The following PTPRA variants were observed in gnomAD, a reference collection of about 807,000 sequenced individuals.
PTPRA encodes receptor-type tyrosine-protein phosphatase alpha.
PTPRA carries 25 observed loss-of-function variants against 104.8 expected under a neutral mutation model. That is an observed-to-expected ratio of 0.24 (90% confidence interval 0.17 to 0.33). The LOEUF (loss-of-function observed/expected upper bound fraction) is 0.33. Ranked by LOEUF, PTPRA falls within the 10% of genes least tolerant of loss-of-function variation. The pLI, the probability that PTPRA is intolerant of heterozygous loss-of-function variation, is 1.00. For synonymous variants in PTPRA, 323 were observed against 368.9 expected, an observed-to-expected ratio of 0.88 and a Z score of 1.43; for missense variants, 765 against 1,015.3, an observed-to-expected ratio of 0.75 and a Z score of 3.35.
chr20:2,928,738 T>C (rs2147471359), intron 2 of PTPRA, among the ~76,000 whole-genome samples: 1 of 152,124 alleles, frequency 6.6e-6, no homozygotes, highest in African/African-American at 2.4e-5. Flanking sequence ...TCATATAATG[T>C]TCTTATCTAT....
At chr20:3,011,634 G>C (rs1222328689) in intron 11 of PTPRA, among the ~76,000 whole-genome samples, 1 of 152,232 alleles carries the variant, frequency 6.6e-6, no homozygotes, top group East Asian at 1.9e-4. Context: ...AGGTTATAAG[G>C]TATAAGATGG....
Position 3,028,164 on chromosome 20 carries a change from C to A in PTPRA, c.1920+323C>A, listed in dbSNP as rs538799394. Among the ~76,000 whole-genome samples the A allele has an allele frequency of 4.0e-5, 6 of 151,682 alleles. No individual in the cohort carries two copies. In the East Asian group the frequency reaches 1.2e-3, roughly 29 times the overall value. Reference sequence around the variant, plus strand: ...CTGAATACAGTCCCCCTAGCCTAGCCTTTGCACAGTGCCCCAGGCGGGGGG... The same window carrying A: ...CTGAATACAGTCCCCCTAGCCTAGCATTTGCACAGTGCCCCAGGCGGGGGG... On this transcript the variant is annotated intron_variant, in intron 20 of 23. Transcript: ENST00000399903.
At chr20:2,978,484 C>T (rs991382404) in intron 6 of PTPRA, among the ~76,000 whole-genome samples, 2 of 152,170 alleles carry the variant, frequency 1.3e-5, no homozygotes, top group Admixed American at 6.5e-5. Context: ...ATGGCTATTC[C>T]TTTACTGACT....
At chr20:2,899,497 A>G (rs997465400) in intron 1 of PTPRA, among the ~76,000 whole-genome samples, 3 of 151,992 alleles carry the variant, frequency 2.0e-5, no homozygotes, top group Non-Finnish European at 4.4e-5. Context: ...GACATCCCCT[A>G]TTGAGCAGAA....
rs145981348 is a variant in PTPRA, at chr20:3,016,755, T to C, written c.943+870T>C. ...ACTTTGTCTCAAGAAAAAGAGTCAT[T>C]AGGGACTACAAGATTTATAAAAACA... On this transcript the variant is annotated intron_variant, in intron 12 of 23. Transcript: ENST00000399903. 2.6e-4 allele frequency among the ~76,000 whole-genome samples: 39 copies of C among 152,308 alleles called. No homozygotes were observed. In the East Asian group the frequency reaches 6.9e-3, roughly 27 times the overall value.
At chr20:2,959,086 C>T (rs920209470) in intron 3 of PTPRA, among the ~76,000 whole-genome samples, 5 of 152,014 alleles carry the variant, frequency 3.3e-5, no homozygotes, top group African/African-American at 7.3e-5. Flanking sequence ...TTCTCGGAGA[C>T]GGATGAGGTT....
At chr20:2,928,230 G>C (rs1022229283) in intron 2 of PTPRA, among the ~76,000 whole-genome samples, 2 of 151,988 alleles carry the variant, frequency 1.3e-5, no homozygotes, top group Admixed American at 1.3e-4. Flanking sequence ...TCGCCTCCCA[G>C]GTTCATGCCA....
the PTPRA span, chr20:2,864,717 T>G: frequency 6.4e-7 from 1 of 1,552,986 alleles, no homozygotes. This position sits in a 1 kb window ranked among gnomAD's most constrained non-coding sequence, Gnocchi z 5.2. Flanking sequence ...TTGGTCCGGT[T>G]CCTTCAGGAA....
rs749339373 is a variant in PTPRA, at chr20:2,900,504, AAAT to A, written c.-128-22699_-128-22697del. On this transcript the variant is annotated intron_variant, in intron 1 of 23. Transcript: ENST00000399903. ...AAATTTCCATTGCTGTGGTTTAATT[AAAT>A]AATGCCAGTCCTCAAATAGCAGTTA... is the stretch of plus-strand genomic sequence containing the variant. 1.0e-3 allele frequency among the ~76,000 whole-genome samples: 152 copies of A among 152,326 alleles called. 1 individual carries two copies. In the East Asian group the frequency reaches 0.024, roughly 24 times the overall value.
At chr20:2,916,819 T>C (rs2059918492) in intron 1 of PTPRA, among the ~76,000 whole-genome samples, 2 of 152,204 alleles carry the variant, frequency 1.3e-5, no homozygotes, top group Admixed American at 1.3e-4. Flanking sequence ...ACCACACAGC[T>C]TTGGTTACCG....
chr20:2,918,047 C>T (rs2059967678), intron 1 of PTPRA, among the ~76,000 whole-genome samples: 1 of 144,496 alleles, frequency 6.9e-6, no homozygotes, highest in Admixed American at 7.1e-5. Flanking sequence ...GAGATTGCAC[C>T]ACTGCACTCC....
At chr20:3,003,698 CTATTTTTTTT>C (rs1390246177) in intron 9 of PTPRA, among the ~76,000 whole-genome samples, 2 of 116,922 alleles carry the variant, frequency 1.7e-5, no homozygotes, top group Non-Finnish European at 3.3e-5. Flanking sequence ...CCATACCTGG[CTATTTTTTTT>C]TTTTTTTTTT....
chr20:2,924,141 A>T (rs970669666), intron 2 of PTPRA, among the ~76,000 whole-genome samples: 1 of 152,204 alleles, frequency 6.6e-6, no homozygotes, highest in African/African-American at 2.4e-5. Context: ...ATATATGGTC[A>T]GGTGTGGTGG....
intron 6 of PTPRA, 79 bp from the exon 7 acceptor site, chr20:2,986,686 A>G: frequency 8.1e-7 from 1 of 1,227,288 alleles, no homozygotes; most frequent in Non-Finnish European, 1.2e-6. Context: ...CTTCCTCTTC[A>G]GGGTGTTGCC....
At chr20:3,027,491 C>T (rs1233545928) in intron 19 of PTPRA, among the ~76,000 whole-genome samples, 3 of 152,176 alleles carry the variant, frequency 2.0e-5, no homozygotes, top group Non-Finnish European at 4.4e-5. Flanking sequence ...CCATTCCTGC[C>T]CTCTTCATCC....
rs189783633 is a variant in PTPRA, at chr20:2,875,410, C to T, written c.-129+1650C>T. On this transcript the variant is annotated intron_variant, in intron 1 of 23. Coordinates refer to ENST00000399903, the MANE Select transcript of PTPRA (RefSeq NM_001385305.1). ...TGCATTGTAAGGCATGGTGGGATCC[C>T]GGGGCCTGTTCTCTGTTTAGCCACT... 2.4e-4 allele frequency among the ~76,000 whole-genome samples: 37 copies of T among 152,238 alleles called. No homozygotes were observed. In the East Asian group the frequency reaches 5.6e-3, roughly 23 times the overall value.
intron 9 of PTPRA, among the ~76,000 whole-genome samples, chr20:2,998,388 T>A (rs556638284): frequency 1.8e-4 from 27 of 152,250 alleles, no homozygotes; most frequent in Middle Eastern, 6.8e-3. Context: ...TGAGTTGAGA[T>A]GGGTGAAATC....
At chr20:2,921,974 G>T (rs2060114204) in intron 1 of PTPRA, among the ~76,000 whole-genome samples, 1 of 152,168 alleles carries the variant, frequency 6.6e-6, no homozygotes, top group Non-Finnish European at 1.5e-5. Context: ...GGGTTGTCCT[G>T]TGATTTGTAA....
intron 3 of PTPRA, among the ~76,000 whole-genome samples, chr20:2,958,985 T>C (rs2147879948): frequency 6.6e-6 from 1 of 152,126 alleles, no homozygotes; most frequent in South Asian, 2.1e-4. Context: ...GAGTAGAAAT[T>C]TGGAAACCAG....
Sources: gnomAD v4.1 joint callset for allele counts (sites outside exome capture counted in the v4.1 genomes callset) on GRCh38, gnomAD v4.1.1 for gene constraint, Gnocchi (gnomAD v3.1) non-coding constraint, MANE v1.5 for transcripts, NCBI Gene and HGNC (gene_info 2026-07-23, HGNC 2026-07-21) for gene names.